The following EPB41L4A variants were observed in gnomAD, a reference collection of about 807,000 sequenced individuals.
EPB41L4A encodes the protein erythrocyte membrane protein band 4.1 like 4A, also known as band 4.1-like protein 4A.
A neutral mutation model predicts 108.6 loss-of-function variants in EPB41L4A; 100 were observed. The ratio of observed to expected loss-of-function variants is 0.92; its 90% CI spans 0.78 to 1.09. EPB41L4A has a LOEUF of 1.09. Ranked by LOEUF, EPB41L4A falls within the 50% of genes least tolerant of loss-of-function variation. The pLI, the probability that EPB41L4A is intolerant of heterozygous loss-of-function variation, is 0.00. For missense variants in EPB41L4A, 1,030 were observed against 842.7 expected, an observed-to-expected ratio of 1.22 and a Z score of -2.75; for synonymous variants, 319 against 289.0, an observed-to-expected ratio of 1.10 and a Z score of -1.05.
intron 1 of EPB41L4A, among the ~76,000 whole-genome samples, chr5:112,359,779 A>T (rs1420072190): frequency 6.6e-6 from 1 of 152,152 alleles, no homozygotes; most frequent in Non-Finnish European, 1.5e-5. Context: ...TGACCTCGTG[A>T]TCCACCCGCC....
In EPB41L4A at chr5:112,419,144, G is replaced by A. The variant is rs1762912969; in HGVS notation, c.-105C>T. 1.4e-5 allele frequency: 12 copies of A among 857,040 alleles called. No homozygotes were observed. In the South Asian group the frequency reaches 1.7e-4, roughly 12 times the overall value. 53.1% of individuals were successfully genotyped at this position (857,040 alleles called of 1,614,324 possible). On this transcript the variant is annotated 5_prime_UTR_variant, in exon 1 of 23. Coordinates refer to ENST00000261486, the MANE Select transcript of EPB41L4A (RefSeq NM_022140.5). ...ATTAATTTATTGTCCGCGCCGTGGC[G>A]AGGGTGAGACGAGCAGCTCCCGGCG...
At chr5:112,353,249 C>T (rs887016176) in intron 1 of EPB41L4A, among the ~76,000 whole-genome samples, 1 of 151,712 alleles carries the variant, frequency 6.6e-6, no homozygotes, top group African/African-American at 2.4e-5. Context: ...TTGAACCAAG[C>T]AGTGAACCAA....
intron 12 of EPB41L4A, among the ~76,000 whole-genome samples, chr5:112,229,294 C>T (rs1748696373): frequency 1.3e-5 from 2 of 152,184 alleles, no homozygotes; most frequent in African/African-American, 2.4e-5. Flanking sequence ...TGAATAGTTA[C>T]ATCAGAAACC....
intron 1 of EPB41L4A, among the ~76,000 whole-genome samples, chr5:112,391,802 G>C (rs1189886009): frequency 6.6e-6 from 1 of 152,038 alleles, no homozygotes; most frequent in Non-Finnish European, 1.5e-5. Context: ...TTGAAATGAA[G>C]GAAAAAATGT....
chr5:112,322,714 A>ACACACACACACACT (rs1385739343), intron 1 of EPB41L4A, among the ~76,000 whole-genome samples: 1 of 151,488 alleles, frequency 6.6e-6, no homozygotes, highest in Non-Finnish European at 1.5e-5. Context: ...ACACACACAC[A>ACACACACACACACT]CACACACACA....
At chr5:112,288,033 G>C (rs749018197) in intron 2 of EPB41L4A, among the ~76,000 whole-genome samples, 1 of 152,188 alleles carries the variant, frequency 6.6e-6, no homozygotes, top group South Asian at 2.1e-4. Context: ...GGCAAACAAT[G>C]CTGCAATTAA....
At chr5:112,397,930 G>C (rs1383455903) in intron 1 of EPB41L4A, among the ~76,000 whole-genome samples, 3 of 152,166 alleles carry the variant, frequency 2.0e-5, no homozygotes, top group South Asian at 2.1e-4. Flanking sequence ...AGCCTGCCTA[G>C]AAAACATGTG....
At chr5:112,263,628 A>G (rs1163124395) in intron 6 of EPB41L4A, 4 of 152,280 alleles carry the variant, frequency 2.6e-5, no homozygotes, top group Admixed American at 2.0e-4. Context: ...CTGACCATCT[A>G]CTTCAGCAGA....
At chr5:112,210,151 A>G in intron 12 of EPB41L4A, 169 bp from the exon 13 acceptor site, 2 of 515,914 alleles carry the variant, frequency 3.9e-6, no homozygotes, top group South Asian at 2.6e-5. Context: ...TGGAGGTACT[A>G]TTTTCTAACG....
upstream of EPB41L4A, chr5:112,419,301 C>A (rs1001205139): frequency 3.6e-5 from 13 of 358,718 alleles, no homozygotes; most frequent in Non-Finnish European, 6.5e-5. Context: ...GGTGGCGCGT[C>A]CCCGCGCATC....
intron 12 of EPB41L4A, among the ~76,000 whole-genome samples, chr5:112,224,472 A>G (rs1209072659): frequency 6.6e-6 from 1 of 152,192 alleles, no homozygotes. Context: ...CAGGTAAGTC[A>G]GACAGAATAA....
intron 1 of EPB41L4A, among the ~76,000 whole-genome samples, chr5:112,418,166 C>T (rs985515877): frequency 1.2e-4 from 18 of 152,146 alleles, no homozygotes; most frequent in African/African-American, 4.3e-4. Flanking sequence ...TTTAGATCTC[C>T]TTTAGGTAGT....
chr5:112,343,019 C>G (rs1398533978), intron 1 of EPB41L4A, among the ~76,000 whole-genome samples: 2 of 152,042 alleles, frequency 1.3e-5, no homozygotes, highest in Admixed American at 6.5e-5. Context: ...CAGAATGTGG[C>G]CGATAGAAAT....
intron 21 of EPB41L4A, 86 bp downstream of exon 21, chr5:112,168,909 A>G (rs1259133730): frequency 4.7e-6 from 7 of 1,489,884 alleles, no homozygotes; most frequent in Middle Eastern, 1.7e-4. Flanking sequence ...TAGATATAAA[A>G]CATTTCCATC....
At chr5:112,202,972 G>A (rs1166616943) in intron 15 of EPB41L4A, among the ~76,000 whole-genome samples, 1 of 152,170 alleles carries the variant, frequency 6.6e-6, no homozygotes, top group African/African-American at 2.4e-5. Flanking sequence ...GGAGACTGAG[G>A]TGGGAGGACT....
At chr5:112,363,172 G>C (rs1210097971) in intron 1 of EPB41L4A, among the ~76,000 whole-genome samples, 2 of 151,938 alleles carry the variant, frequency 1.3e-5, no homozygotes, top group East Asian at 3.9e-4. Context: ...AGCACCTCCT[G>C]GCCTAATCAA....
At chr5:112,169,191 G>C in intron 20 of EPB41L4A, 86 bp from the exon 21 acceptor site, 2 of 927,724 alleles carry the variant, frequency 2.2e-6, no homozygotes, top group Admixed American at 1.8e-5. Flanking sequence ...AACCGCAAAA[G>C]AATAACAACT....
At chr5:112,168,960 T>C (rs757910803) in intron 21 of EPB41L4A, 35 bp downstream of exon 21, 20 of 1,540,266 alleles carry the variant, frequency 1.3e-5, no homozygotes, top group Non-Finnish European at 1.8e-5. Flanking sequence ...TTTGGAGCCA[T>C]GATGGTGATG....
chr5:112,362,980 C>T (rs145751681), intron 1 of EPB41L4A, among the ~76,000 whole-genome samples: 1 of 151,814 alleles, frequency 6.6e-6, no homozygotes, highest in Admixed American at 6.6e-5. Context: ...GTCAAGAAAC[C>T]CTGCCCTTGA....
Sources: allele counts gnomAD v4.1 joint callset (sites outside exome capture counted in the v4.1 genomes callset), GRCh38; gene constraint gnomAD v4.1.1; transcripts MANE v1.5; gene names NCBI Gene and HGNC (gene_info 2026-07-23, HGNC 2026-07-21).